The following TCF7L2 variants were observed in gnomAD, a reference collection of about 807,000 sequenced individuals.
The protein encoded by TCF7L2 is transcription factor 7-like 2.
TCF7L2 carries 23 observed loss-of-function variants against 77.9 expected under a neutral mutation model. The observed-to-expected ratio is 0.30, with a 90% CI of 0.21 to 0.42. The LOEUF (loss-of-function observed/expected upper bound fraction) is 0.42, where lower values mean the gene tolerates loss of function less well. Among genes scored for constraint, TCF7L2 ranks in the 10% least tolerant of loss-of-function variants. The pLI, the probability that TCF7L2 is intolerant of heterozygous loss-of-function variation, is 1.00. For synonymous variants in TCF7L2, 413 were observed against 340.2 expected (o/e 1.21, Z -2.36); for missense variants, 654 against 793.1 (o/e 0.82, Z 2.11).
chr10:113,012,193 C>T (rs899541316), intron 4 of TCF7L2, among the ~76,000 whole-genome samples: 1 of 152,158 alleles, frequency 6.6e-6, no homozygotes, highest in Non-Finnish European at 1.5e-5. Flanking sequence ...ATCAGAACAT[C>T]TGGGGAATGC....
intron 5 of TCF7L2, among the ~76,000 whole-genome samples, chr10:113,045,610 C>G (rs141751715): frequency 6.6e-6 from 1 of 152,034 alleles, no homozygotes; most frequent in Non-Finnish European, 1.5e-5. Context: ...TTCTGGGTGT[C>G]GTGCTGTGAC....
intron 4 of TCF7L2, among the ~76,000 whole-genome samples, chr10:113,039,625 A>G (rs2052064473): frequency 6.6e-6 from 1 of 152,184 alleles, no homozygotes; most frequent in African/African-American, 2.4e-5. Flanking sequence ...ATGGTTTCCT[A>G]GGACACTTCT....
At chr10:113,027,658 T>C (rs973754464) in intron 4 of TCF7L2, among the ~76,000 whole-genome samples, 2 of 152,174 alleles carry the variant, frequency 1.3e-5, no homozygotes, top group African/African-American at 4.8e-5. Context: ...GCTCGAAATA[T>C]CTCCTGGTAG....
At chr10:113,136,776 A>G (rs1379790449) in intron 5 of TCF7L2, among the ~76,000 whole-genome samples, 3 of 152,162 alleles carry the variant, frequency 2.0e-5, no homozygotes, top group South Asian at 2.1e-4. Flanking sequence ...GTTGCCATGA[A>G]TACATTTCTG....
intron 5 of TCF7L2, among the ~76,000 whole-genome samples, chr10:113,104,184 G>T (rs2135956645): frequency 6.6e-6 from 1 of 152,296 alleles, no homozygotes; most frequent in South Asian, 2.1e-4. Context: ...TAATCCTCGT[G>T]GGAGCTTGAA....
At chr10:112,961,414 C>G (rs1589701434) in intron 3 of TCF7L2, among the ~76,000 whole-genome samples, 1 of 152,138 alleles carries the variant, frequency 6.6e-6, no homozygotes, top group Admixed American at 6.5e-5. Context: ...AATGGCCTAC[C>G]ATCTTTTATT....
intron 11 of TCF7L2, among the ~76,000 whole-genome samples, chr10:113,154,513 A>G (rs2071432518): frequency 2.0e-5 from 3 of 152,114 alleles, no homozygotes; most frequent in Admixed American, 2.0e-4. Context: ...AGAGTATGTC[A>G]TTTACACTGG....
chr10:113,152,516 C>T, intron 11 of TCF7L2, 76 bp downstream of exon 11: 3 of 1,275,330 alleles, frequency 2.4e-6, no homozygotes, highest in Non-Finnish European at 3.3e-6. Context: ...GAGAACAGGA[C>T]CTGCCACTTG....
intron 3 of TCF7L2, among the ~76,000 whole-genome samples, chr10:112,952,227 A>G (rs1325729068): frequency 2.0e-5 from 3 of 152,090 alleles, no homozygotes; most frequent in South Asian, 2.1e-4. Flanking sequence ...TTGGGCGACT[A>G]TGTATTTAGC....
intron 4 of TCF7L2, among the ~76,000 whole-genome samples, chr10:112,988,174 G>A (rs1191305776): frequency 4.0e-5 from 6 of 151,496 alleles, no homozygotes; most frequent in Middle Eastern, 3.4e-3. Flanking sequence ...CTCAGCTCAC[G>A]GCAACCTCTG....
At chr10:113,002,105 A>C (rs1263747274) in intron 4 of TCF7L2, among the ~76,000 whole-genome samples, 2 of 152,200 alleles carry the variant, frequency 1.3e-5, no homozygotes, top group Non-Finnish European at 2.9e-5. Context: ...TTAGGAAGGA[A>C]AAACTGTGAC....
intron 5 of TCF7L2, among the ~76,000 whole-genome samples, chr10:113,066,824 G>A (rs2057325358): frequency 6.6e-6 from 1 of 152,232 alleles, no homozygotes; most frequent in South Asian, 2.1e-4. Flanking sequence ...GGTATTGACA[G>A]ATGAGGAGGC....
At chr10:113,149,733 A>G (rs1341935517) in intron 8 of TCF7L2, among the ~76,000 whole-genome samples, 4 of 145,174 alleles carry the variant, frequency 2.8e-5, no homozygotes, top group African/African-American at 7.3e-5. Flanking sequence ...TATTCCTTGG[A>G]TGGTACATTG....
intron 5 of TCF7L2, among the ~76,000 whole-genome samples, chr10:113,127,866 CTTTT>C (rs34638595): frequency 0.039 from 4,300 of 110,226 alleles, 254 homozygotes; most frequent in African/African-American, 0.14. Context: ...TTGCTGCGTC[CTTTT>C]TTTTTTTTTT....
intron 13 of TCF7L2, among the ~76,000 whole-genome samples, chr10:113,164,519 C>T (rs2073743442): frequency 6.6e-6 from 1 of 151,974 alleles, no homozygotes; most frequent in African/African-American, 2.4e-5. Context: ...CAGGATGCCC[C>T]TCCATCCATC....
At chr10:113,034,169 C>A (rs2050729884) in intron 4 of TCF7L2, among the ~76,000 whole-genome samples, 1 of 152,168 alleles carries the variant, frequency 6.6e-6, no homozygotes, top group Non-Finnish European at 1.5e-5. Context: ...AGGTGTGTGT[C>A]ACAATATGAG....
intron 5 of TCF7L2, among the ~76,000 whole-genome samples, chr10:113,078,229 T>A (rs796892791): frequency 6.6e-6 from 1 of 152,136 alleles, no homozygotes; most frequent in African/African-American, 2.4e-5. Context: ...ATGACTGTTA[T>A]GGGGCAAAGA....
At chr10:113,045,028 A>G (rs1273522706) in intron 5 of TCF7L2, among the ~76,000 whole-genome samples, 1 of 152,130 alleles carries the variant, frequency 6.6e-6, no homozygotes, top group African/African-American at 2.4e-5. Context: ...TGAGGGAGAA[A>G]GGAGAGTCAA....
intron 5 of TCF7L2, among the ~76,000 whole-genome samples, chr10:113,089,861 A>G (rs2060191935): frequency 6.6e-6 from 1 of 152,206 alleles, no homozygotes; most frequent in Non-Finnish European, 1.5e-5. Flanking sequence ...ACATTATCCC[A>G]TTAAACTTGG....
Sources: gnomAD v4.1 joint callset for allele counts (sites outside exome capture counted in the v4.1 genomes callset) on GRCh38, gnomAD v4.1.1 for gene constraint, MANE v1.5 for transcripts, NCBI Gene and HGNC (gene_info 2026-07-23, HGNC 2026-07-21) for gene names.